The following PPA2 variants were observed in gnomAD, a reference collection of about 807,000 sequenced individuals.
PPA2 encodes the protein inorganic pyrophosphatase 2, mitochondrial.
PPA2 carries 48 observed loss-of-function variants against 49.5 expected under a neutral mutation model. The ratio of observed to expected loss-of-function variants is 0.97; its 90% CI spans 0.77 to 1.23. PPA2 has a LOEUF of 1.23. Ranked by LOEUF, PPA2 falls within the 50% of genes most tolerant of loss-of-function variation. PPA2 has a pLI of 0.00. For synonymous variants in PPA2, 131 were observed against 139.9 expected, an observed-to-expected ratio of 0.94 and a Z score of 0.45; for missense variants, 429 against 410.1, an observed-to-expected ratio of 1.05 and a Z score of -0.40.
chr4:105,385,092 C>T (rs988676815), intron 10 of PPA2, among the ~76,000 whole-genome samples: 11 of 152,108 alleles, frequency 7.2e-5, no homozygotes, highest in Non-Finnish European at 1.2e-4. Flanking sequence ...TTGACCTTAC[C>T]TTCTACAATT....
chr4:105,454,340 G>GTTGTTTTTT (rs1487069684), intron 2 of PPA2, among the ~76,000 whole-genome samples: 1 of 149,114 alleles, frequency 6.7e-6, no homozygotes, highest in Non-Finnish European at 1.5e-5. Flanking sequence ...TGTTGTTGTT[G>GTTGTTTTTT]TTTTTGAGAC....
intron 10 of PPA2, among the ~76,000 whole-genome samples, chr4:105,373,564 T>A (rs796872112): frequency 1.8e-4 from 27 of 152,244 alleles, no homozygotes; most frequent in African/African-American, 6.5e-4. Flanking sequence ...GTACAGTGTA[T>A]AAAAATAGAA....
chr4:105,405,707 G>A (rs1472648855), intron 7 of PPA2: 2 of 836,844 alleles, frequency 2.4e-6, no homozygotes, highest in Non-Finnish European at 3.1e-6. Flanking sequence ...ACTCCCTCAG[G>A]CTAACCTACC....
chr4:105,468,490 C>T (rs993713764), intron 1 of PPA2, among the ~76,000 whole-genome samples: 1 of 152,228 alleles, frequency 6.6e-6, no homozygotes, highest in Non-Finnish European at 1.5e-5. Flanking sequence ...ATGAGGACTT[C>T]AAACTGACCA....
chr4:105,462,043 T>C (rs1312823207), intron 1 of PPA2, among the ~76,000 whole-genome samples: 3 of 152,194 alleles, frequency 2.0e-5, no homozygotes, highest in East Asian at 1.9e-4. Flanking sequence ...TCTCTAAAGG[T>C]GGATTTAAAG....
rs545637801 is a variant in PPA2, at chr4:105,388,326, C to T, written c.870-1690G>A. Among the ~76,000 whole-genome samples the T allele has an allele frequency of 4.6e-5, 7 of 151,886 alleles. No homozygotes were observed. The East Asian group carries it at 1.4e-3, about 29-fold the overall frequency. On this transcript the variant is annotated intron_variant, in intron 9 of 11. Transcript: ENST00000341695. ...CTTCTAAAGTAATCCCCTACTCTTA[C>T]AACAAAATGAAACTATGAATAGGAA... is the stretch of plus-strand genomic sequence containing the variant.
chr4:105,453,812 T>A, intron 2 of PPA2, 170 bp from the exon 3 acceptor site: 1 of 471,976 alleles, frequency 2.1e-6, no homozygotes, highest in Non-Finnish European at 3.8e-6. Flanking sequence ...CCTGAGCATT[T>A]GTATCCCCAG....
intron 7 of PPA2, chr4:105,405,424 C>T (rs1722420196): frequency 3.7e-6 from 3 of 813,922 alleles, no homozygotes; most frequent in Non-Finnish European, 4.4e-6. Flanking sequence ...AATATTATTA[C>T]AATTTAGTTC....
At chr4:105,435,672 G>C (rs1220114803) in intron 6 of PPA2, among the ~76,000 whole-genome samples, 1 of 152,024 alleles carries the variant, frequency 6.6e-6, no homozygotes, top group African/African-American at 2.4e-5. Context: ...CAATAAATGG[G>C]ATTCACCACA....
chr4:105,473,654 G>C (rs1320161547), intron 1 of PPA2: 1 of 756,318 alleles, frequency 1.3e-6, no homozygotes, highest in Non-Finnish European at 2.4e-6. Flanking sequence ...CCCCCCAGCC[G>C]GCAGCCCTGC....
intron 7 of PPA2, among the ~76,000 whole-genome samples, chr4:105,416,496 C>G (rs1430750599): frequency 6.6e-6 from 1 of 152,154 alleles, no homozygotes; most frequent in Non-Finnish European, 1.5e-5. Flanking sequence ...ACACTCTCAT[C>G]CCAGTACTAT....
chr4:105,373,308 G>A (rs369976273), intron 10 of PPA2, among the ~76,000 whole-genome samples: 1 of 152,152 alleles, frequency 6.6e-6, no homozygotes, highest in Admixed American at 6.5e-5. Context: ...TGTACTCCTT[G>A]AGATTAGGCA....
intron 7 of PPA2, among the ~76,000 whole-genome samples, chr4:105,420,708 T>C (rs1723212791): frequency 6.6e-6 from 1 of 152,170 alleles, no homozygotes; most frequent in Non-Finnish European, 1.5e-5. Context: ...TAGATATTTT[T>C]GGAAAATGGA....
intron 7 of PPA2, chr4:105,405,606 A>G (rs1005240340): frequency 9.9e-7 from 1 of 1,008,088 alleles, no homozygotes; most frequent in African/African-American, 1.7e-5. Context: ...TTATCAGCAA[A>G]TAAAAAGACT....
Position 105,446,469 on chromosome 4 carries a change from G to C in PPA2, c.355C>G (p.Gln119Glu). ...CGTAGCTTTCCATCCTTTACATATT[G>C]TTTAATGGGATTCATTGGCTCCTTG... ...ATKEPMNPIK[Q>E]YVKDGKLRYV... Residue 119 changes from glutamine (Q) to glutamate (E), a missense_variant, in exon 5 of 12, where the codon CAA becomes GAA. Gln to Glu is a conservative substitution (Grantham distance 29). Coordinates refer to ENST00000341695, the MANE Select transcript of PPA2 (RefSeq NM_176869.3). 1 of 1,604,966 alleles carries C rather than the reference G, an allele frequency of 6.2e-7. No individual in the cohort carries two copies. The highest frequency in any genetic ancestry group is 8.5e-7 in the Non-Finnish European group (1 of 1,176,886).
rs779005479 is a variant in PPA2 at position 105,396,289 on chromosome 4, C to T, written c.829G>A (p.Ala277Thr). Residue 277 changes from alanine (A) to threonine (T), a missense_variant, in exon 9 of 12, where the codon GCA becomes ACA. Physicochemically the swap from Ala to Thr is moderately conservative, Grantham distance 58. Coordinates refer to ENST00000341695, the MANE Select transcript of PPA2 (RefSeq NM_176869.3). ...CCATTACACTTCTTCATAAGCAATG[C>T]TTTCCAACATTGATGAGTGGATTTA... ...VIKSTHQCWK[A>T]LLMKKCNGGA... 6.3e-7 allele frequency: 1 copy of T among 1,598,162 alleles called. No individual in the cohort carries two copies. Among genetic ancestry groups the T allele is most frequent in the South Asian group, 1.1e-5 (1 of 87,446 alleles).
intron 7 of PPA2, among the ~76,000 whole-genome samples, chr4:105,423,018 A>C (rs1011614403): frequency 1.3e-5 from 2 of 152,214 alleles, no homozygotes; most frequent in African/African-American, 4.8e-5. Context: ...GATGCTAAAA[A>C]ATGTTTTTAA....
intron 2 of PPA2, among the ~76,000 whole-genome samples, chr4:105,455,719 T>A (rs889881160): frequency 6.6e-6 from 1 of 152,160 alleles, no homozygotes; most frequent in Non-Finnish European, 1.5e-5. Context: ...ATAACCTCAC[T>A]ATGATGCATA....
chr4:105,397,233 G>A (rs1399036567), intron 8 of PPA2, among the ~76,000 whole-genome samples: 2 of 152,110 alleles, frequency 1.3e-5, no homozygotes, highest in Non-Finnish European at 2.9e-5. Flanking sequence ...TGGGAACTGA[G>A]GTACAGTAAT....
Sources: gnomAD v4.1 joint callset for allele counts (sites outside exome capture counted in the v4.1 genomes callset) on GRCh38, gnomAD v4.1.1 for gene constraint, MANE v1.5 for transcripts, NCBI Gene and HGNC (gene_info 2026-07-23, HGNC 2026-07-21) for gene names.